The following B3GLCT variants were observed in gnomAD, a reference collection of about 807,000 sequenced individuals.
B3GLCT encodes the protein beta 3-glucosyltransferase.
B3GLCT carries 65 observed loss-of-function variants against 63.4 expected under a neutral mutation model. That is an observed-to-expected ratio of 1.03 (90% CI 0.84 to 1.26). The LOEUF is 1.26. Ranked by LOEUF, B3GLCT falls within the 50% of genes most tolerant of loss-of-function variation. The pLI, the probability that B3GLCT is intolerant of heterozygous loss-of-function variation, is 0.00. For synonymous variants in B3GLCT, 233 were observed against 219.2 expected (o/e 1.06, Z -0.55); for missense variants, 577 against 604.8 (o/e 0.95, Z 0.48).
At chr13:31,223,938 T>C (rs9541291) in intron 3 of B3GLCT, among the ~76,000 whole-genome samples, 35,072 of 152,108 alleles carry the variant, frequency 0.23, 4,202 homozygotes, top group Non-Finnish European at 0.25. Context: ...AATATGCTCT[T>C]CTTGCTTCCT....
chr13:31,265,153 T>A (rs549621013), intron 7 of B3GLCT, among the ~76,000 whole-genome samples: 2 of 152,334 alleles, frequency 1.3e-5, no homozygotes, highest in African/African-American at 4.8e-5. Flanking sequence ...ATCTCCAGAC[T>A]ATTAACAGTT....
intron 13 of B3GLCT, among the ~76,000 whole-genome samples, chr13:31,322,829 T>G (rs753409968): frequency 3.3e-5 from 5 of 152,210 alleles, no homozygotes; most frequent in Non-Finnish European, 7.3e-5. Context: ...TTCTCATGTG[T>G]GCTCTTTTCC....
chr13:31,209,076 G>A (rs1269160998), intron 1 of B3GLCT, among the ~76,000 whole-genome samples: 1 of 152,188 alleles, frequency 6.6e-6, no homozygotes, highest in African/African-American at 2.4e-5. Flanking sequence ...ACCCAAGAGG[G>A]AGAGAATAAA....
intron 12 of B3GLCT, chr13:31,312,953 A>G (rs1874798700): frequency 2.0e-5 from 3 of 152,222 alleles, no homozygotes; most frequent in Non-Finnish European, 2.9e-5. Flanking sequence ...GTGTTCAAAG[A>G]ACATTTTCTA....
intron 4 of B3GLCT, among the ~76,000 whole-genome samples, chr13:31,243,108 A>T (rs1912796): frequency 0.1 from 15,852 of 152,262 alleles, 2,013 homozygotes; most frequent in East Asian, 0.45. Context: ...CTAAAAGCTC[A>T]GTTCAGTGCC....
At chr13:31,266,271 G>A (rs530849883) in intron 7 of B3GLCT, among the ~76,000 whole-genome samples, 22 of 151,846 alleles carry the variant, frequency 1.4e-4, no homozygotes, top group Admixed American at 5.2e-4. Flanking sequence ...CTCGTGATCC[G>A]CCCACCTCAG....
intron 14 of B3GLCT, among the ~76,000 whole-genome samples, chr13:31,326,393 C>T (rs1875625544): frequency 6.9e-6 from 1 of 144,484 alleles, no homozygotes; most frequent in Non-Finnish European, 1.5e-5. Context: ...AAGCGATTCT[C>T]CTGCCTCAGC....
At chr13:31,207,502 A>G (rs1869020769) in intron 1 of B3GLCT, among the ~76,000 whole-genome samples, 1 of 152,244 alleles carries the variant, frequency 6.6e-6, no homozygotes, top group African/African-American at 2.4e-5. Context: ...ATGCAAATCA[A>G]AGTATGAAAT....
At chr13:31,262,236 C>G (rs1350791843) in intron 7 of B3GLCT, among the ~76,000 whole-genome samples, 1 of 152,142 alleles carries the variant, frequency 6.6e-6, no homozygotes, top group African/African-American at 2.4e-5. Flanking sequence ...CTCAGACTTT[C>G]CAGTAATTCC....
At chr13:31,323,658 C>T (rs1875444045) in intron 13 of B3GLCT, 93 bp from the exon 14 acceptor site, 1 of 1,422,972 alleles carries the variant, frequency 7.0e-7, no homozygotes, top group Non-Finnish European at 9.9e-7. Context: ...TCTCAGTCTG[C>T]AGGAGTAAAG....
chr13:31,286,908 G>A, intron 12 of B3GLCT, 89 bp downstream of exon 12: 1 of 852,668 alleles, frequency 1.2e-6, no homozygotes, highest in Non-Finnish European at 1.9e-6. Flanking sequence ...TGGCCAAGAT[G>A]AAGTAACGGG....
At chr13:31,322,100 T>A (rs1171508248) in intron 13 of B3GLCT, among the ~76,000 whole-genome samples, 1 of 152,248 alleles carries the variant, frequency 6.6e-6, no homozygotes, top group Non-Finnish European at 1.5e-5. Context: ...GACCATTTCT[T>A]TTTGAAAATA....
At chr13:31,216,730 G>A (rs1889970291) in intron 2 of B3GLCT, among the ~76,000 whole-genome samples, 1 of 152,100 alleles carries the variant, frequency 6.6e-6, no homozygotes, top group Non-Finnish European at 1.5e-5. Flanking sequence ...CATTAATTGG[G>A]TTAGGCTAAC....
chr13:31,210,931 C>CT (rs1407550762), intron 1 of B3GLCT, among the ~76,000 whole-genome samples: 1 of 151,694 alleles, frequency 6.6e-6, no homozygotes, highest in Non-Finnish European at 1.5e-5. Context: ...TTTTCTTTTT[C>CT]TTTTTTTGGA....
At chr13:31,300,257 C>T (rs753415641) in intron 12 of B3GLCT, among the ~76,000 whole-genome samples, 9 of 152,034 alleles carry the variant, frequency 5.9e-5, no homozygotes, top group African/African-American at 1.2e-4. Flanking sequence ...CCAGGTAGCA[C>T]GATCATGTAT....
chr13:31,327,348 G>T (rs912288200), intron 14 of B3GLCT, among the ~76,000 whole-genome samples: 1 of 152,190 alleles, frequency 6.6e-6, no homozygotes, highest in Non-Finnish European at 1.5e-5. Flanking sequence ...GGCTTCTAGC[G>T]ACTCAGGGGC....
intron 6 of B3GLCT, among the ~76,000 whole-genome samples, chr13:31,255,037 CAAAAA>C (rs59957215): frequency 1.5e-5 from 2 of 130,726 alleles, no homozygotes; most frequent in Non-Finnish European, 1.6e-5. Flanking sequence ...GACGCTGTCT[CAAAAA>C]AAAAAAAAAA....
At chr13:31,225,402 G>T (rs1870044901) in intron 3 of B3GLCT, among the ~76,000 whole-genome samples, 1 of 152,238 alleles carries the variant, frequency 6.6e-6, no homozygotes. Context: ...GACTCAGCCA[G>T]AATGTGATTC....
intron 4 of B3GLCT, among the ~76,000 whole-genome samples, chr13:31,240,260 A>G (rs1870860037): frequency 6.6e-6 from 1 of 152,194 alleles, no homozygotes; most frequent in African/African-American, 2.4e-5. Context: ...AGCTGCTTAG[A>G]GACCTCTATA....
Sources: gnomAD v4.1 joint callset for allele counts (sites outside exome capture counted in the v4.1 genomes callset) on GRCh38, gnomAD v4.1.1 for gene constraint, MANE v1.5 for transcripts, NCBI Gene and HGNC (gene_info 2026-07-23, HGNC 2026-07-21) for gene names.